The following SRL variants were observed in gnomAD, a reference collection of about 807,000 sequenced individuals.
The protein encoded by SRL is sarcalumenin.
Under a neutral mutation model 39.5 loss-of-function variants are expected in SRL, and 23 were observed. The ratio of observed to expected loss-of-function variants is 0.58; its 90% CI spans 0.42 to 0.82. SRL has a LOEUF of 0.82. SRL is among the 40% of genes least tolerant of loss of function. The pLI is 0.00. For missense variants in SRL, 592 were observed against 607.8 expected (o/e 0.97, Z 0.27); for synonymous variants, 272 against 237.4 (o/e 1.15, Z -1.34).
intron 1 of SRL, among the ~76,000 whole-genome samples, chr16:4,217,979 C>A (rs968636456): frequency 6.6e-6 from 1 of 152,156 alleles, no homozygotes; most frequent in Non-Finnish European, 1.5e-5. Flanking sequence ...CGAGGAGCTG[C>A]AGGGTGCCTG....
In SRL at chr16:4,197,916, C is replaced by T; in HGVS notation, c.260-1G>A. 1.9e-6 allele frequency: 3 copies of T among 1,595,554 alleles called. No individual in the cohort carries two copies. The highest frequency in any genetic ancestry group is 2.6e-6 in the Non-Finnish European group (3 of 1,162,978). On this transcript the variant is annotated splice_acceptor_variant, in intron 3 of 5. Transcript: ENST00000399609. LOFTEE classifies it high-confidence loss of function. ...ATGGGCTTGGAGGTAATCTCTCCAT[C>T]TGTGGGCAACAGGAAGTAGAAATGG...
intron 4 of SRL, among the ~76,000 whole-genome samples, chr16:4,196,639 C>G (rs1468337874): frequency 6.6e-6 from 1 of 152,068 alleles, no homozygotes; most frequent in African/African-American, 2.4e-5. Flanking sequence ...CAGCACCATG[C>G]CCAGCTAATT....
intron 3 of SRL, 29 bp downstream of exon 3, chr16:4,203,137 C>A: frequency 6.2e-7 from 1 of 1,600,204 alleles, no homozygotes; most frequent in South Asian, 1.1e-5. Context: ...CCCGTAATCT[C>A]AAGCCCTACC....
intron 1 of SRL, among the ~76,000 whole-genome samples, chr16:4,211,897 G>C (rs867856859): frequency 7.2e-5 from 11 of 152,276 alleles, no homozygotes; most frequent in Admixed American, 2.0e-4. Context: ...TGATGACAAT[G>C]ATGATGAGAA....
intron 1 of SRL, among the ~76,000 whole-genome samples, chr16:4,223,162 G>A (rs55939826): frequency 1.3e-5 from 2 of 150,898 alleles, no homozygotes; most frequent in Admixed American, 1.3e-4. Flanking sequence ...AACCTAGGAG[G>A]TGGAGTTTGC....
intron 1 of SRL, among the ~76,000 whole-genome samples, chr16:4,209,471 C>T (rs577825401): frequency 1.8e-3 from 274 of 152,230 alleles, no homozygotes; most frequent in Non-Finnish European, 3.2e-3. Flanking sequence ...AGTACCCCAC[C>T]TATCTGCTGG....
intron 1 of SRL, among the ~76,000 whole-genome samples, chr16:4,213,943 C>A (rs897495087): frequency 3.3e-5 from 5 of 152,190 alleles, no homozygotes; most frequent in African/African-American, 4.8e-5. Context: ...GGCTGGAACT[C>A]AGGCCAAGAG....
At chr16:4,230,621 T>G (rs1457033943) in intron 1 of SRL, among the ~76,000 whole-genome samples, 1 of 151,662 alleles carries the variant, frequency 6.6e-6, no homozygotes, top group Admixed American at 6.6e-5. Context: ...ACTCCCGACC[T>G]CGTGATCCGC....
rs549209017 is a variant in SRL at position 4,192,893 on chromosome 16, T to C, written c.682A>G (p.Thr228Ala). 4.6e-5 allele frequency: 75 copies of C among 1,614,006 alleles called. No homozygotes were observed. The highest frequency in any genetic ancestry group is 6.1e-5 in the Non-Finnish European group (72 of 1,180,032). Residue 228 changes from threonine (T) to alanine (A), a missense_variant, in exon 6 of 6, where the codon ACA becomes GCA. Transcript: ENST00000399609. The surrounding 1 kb of genome is among the most constrained non-coding windows in gnomAD (Gnocchi z 4.0). ...ADLIFVVFDP[T>A]KLDVGLELEM... Reference sequence around the variant, plus strand: ...AGCTCTAGACCCACATCCAGCTTTGTTGGGTCAAAGACGACAAAGATGAGG... The same window carrying C: ...AGCTCTAGACCCACATCCAGCTTTGCTGGGTCAAAGACGACAAAGATGAGG...
rs757911752 is a variant in SRL at position 4,203,280 on chromosome 16, G to C, written c.164-19C>G. 6.2e-7 allele frequency: 1 copy of C among 1,607,406 alleles called. No homozygotes were observed. The highest frequency in any genetic ancestry group is 1.3e-5 in the African/African-American group (1 of 74,898). On this transcript the variant is annotated intron_variant, in intron 2 of 5. Coordinates refer to ENST00000399609, the MANE Select transcript of SRL (RefSeq NM_001098814.2). ...AGCACCGCTGGAGACAGAGAGGGCC[G>C]GGGGAAGAGCATCACGCAGGTGCGA... is the stretch of plus-strand genomic sequence containing the variant.
At chr16:4,224,488 T>G (rs1450659975) in intron 1 of SRL, among the ~76,000 whole-genome samples, 1 of 152,108 alleles carries the variant, frequency 6.6e-6, no homozygotes, top group Non-Finnish European at 1.5e-5. Context: ...GGAGGATTGC[T>G]TGAGCTCAGC....
At chr16:4,225,862 A>G (rs149091906) in intron 1 of SRL, among the ~76,000 whole-genome samples, 1 of 152,138 alleles carries the variant, frequency 6.6e-6, no homozygotes, top group East Asian at 1.9e-4. Flanking sequence ...GAAGAGGCCA[A>G]CATCCTACGG....
At chr16:4,202,496 G>A (rs2141030566) in intron 3 of SRL, among the ~76,000 whole-genome samples, 1 of 152,110 alleles carries the variant, frequency 6.6e-6, no homozygotes, top group African/African-American at 2.4e-5. Flanking sequence ...GGGAGGCTGA[G>A]GCAGAAGAAT....
At chr16:4,197,684 C>T (rs749422997) in intron 4 of SRL, 115 bp downstream of exon 4, 164 of 845,532 alleles carry the variant, frequency 1.9e-4, no homozygotes, top group African/African-American at 3.0e-4. Flanking sequence ...CCTTGGCCTC[C>T]CAATGTGCTG....
chr16:4,208,813 C>T (rs2052357978), intron 1 of SRL, among the ~76,000 whole-genome samples: 3 of 152,064 alleles, frequency 2.0e-5, no homozygotes, highest in Admixed American at 1.3e-4. Context: ...TAAAACAGGC[C>T]GGGCCTGGCT....
Position 4,195,598 on chromosome 16 carries a change from C to T in SRL, c.565G>A (p.Val189Met). Residue 189 changes from valine (V) to methionine (M), a missense_variant, in exon 5 of 6, where the codon GTG becomes ATG. Val to Met is a conservative substitution (Grantham distance 21, BLOSUM62 1). Transcript: ENST00000399609. ...PHKLLERVTF[V>M]DTPGIIENRK... ...TTCTCGATGATGCCTGGTGTATCCACAAAAGTGACCCTCTCCAGAAGTTTG... is the reference window on the plus strand; with the variant it reads ...TTCTCGATGATGCCTGGTGTATCCATAAAAGTGACCCTCTCCAGAAGTTTG... 1.2e-6 allele frequency: 2 copies of T among 1,614,182 alleles called. No individual in the cohort carries two copies. The highest frequency in any genetic ancestry group is 1.7e-6 in the Non-Finnish European group (2 of 1,180,044).
Position 4,223,942 on chromosome 16 carries a change from T to A in SRL, c.61+18065A>T, listed in dbSNP as rs79811333. On this transcript the variant is annotated intron_variant, in intron 1 of 5. Transcript: ENST00000399609. The stretch of plus-strand genomic sequence containing the variant: ...CTGATGTCCATCAGCCCTAGGCCCA[T>A]CATGGGTGGGGGCATAGCTGGCCCT... Among the ~76,000 whole-genome samples the A allele has an allele frequency of 2.2e-3, 330 of 152,200 alleles. 3 individuals carry two copies. The highest frequency in any genetic ancestry group is 7.5e-3 in the African/African-American group (312 of 41,526).
At chr16:4,241,918 G>A (rs984975875) in intron 1 of SRL, 89 bp downstream of exon 1, 32 of 1,463,614 alleles carry the variant, frequency 2.2e-5, no homozygotes, top group African/African-American at 1.8e-4. Flanking sequence ...CATCAGCCCC[G>A]ACCCCCTACC....
chr16:4,226,345 AATGGATGGATGGGTAG>A (rs1356186077), intron 1 of SRL, among the ~76,000 whole-genome samples: 1 of 151,584 alleles, frequency 6.6e-6, no homozygotes. Context: ...TGAACAGACG[AATGGATGGATGGGTAG>A]ATGGATGAAT....
Sources: allele counts gnomAD v4.1 joint callset (sites outside exome capture counted in the v4.1 genomes callset), GRCh38; gene constraint gnomAD v4.1.1; non-coding constraint Gnocchi (gnomAD v3.1); transcripts MANE v1.5; gene names NCBI Gene and HGNC (gene_info 2026-07-23, HGNC 2026-07-21).